Variants in SESN3 observed in about 807,000 individuals in gnomAD.
The protein encoded by SESN3 is sestrin 3.
A neutral mutation model predicts 55.3 loss-of-function variants in SESN3; 21 were observed. The observed-to-expected ratio is 0.38, with a 90% confidence interval of 0.27 to 0.55. SESN3 has a LOEUF of 0.55. SESN3 is among the 20% of genes least tolerant of loss of function. The probability of loss-of-function intolerance (pLI) is 0.76; values close to 1 mark genes in which losing one functional copy is unlikely to be tolerated. For synonymous variants in SESN3, 181 were observed against 203.1 expected (o/e 0.89, Z 0.93); for missense variants, 408 against 604.3 (o/e 0.68, Z 3.41).
intron 3 of SESN3, among the ~76,000 whole-genome samples, chr11:95,190,380 G>GT (rs1441716718): frequency 6.6e-6 from 1 of 151,854 alleles, no homozygotes; most frequent in African/African-American, 2.4e-5. Context: ...TAAGATAAAT[G>GT]TGACTGCAGT....
intron 1 of SESN3, among the ~76,000 whole-genome samples, chr11:95,208,876 A>G (rs1045376311): frequency 4.0e-5 from 6 of 151,494 alleles, no homozygotes; most frequent in Non-Finnish European, 5.9e-5. Flanking sequence ...TATGCAGAAA[A>G]CTGAAACTGG....
At chr11:95,202,249 A>G (rs1860473139) in intron 1 of SESN3, among the ~76,000 whole-genome samples, 1 of 152,024 alleles carries the variant, frequency 6.6e-6, no homozygotes, top group African/African-American at 2.4e-5. Context: ...AGATTCTCAT[A>G]TATTTTTTGA....
chr11:95,184,700 G>T, intron 5 of SESN3, 106 bp from the exon 6 acceptor site: 1 of 985,740 alleles, frequency 1.0e-6, no homozygotes, highest in Non-Finnish European at 1.5e-6. Flanking sequence ...AACAGGCACA[G>T]TTATGAAGTT....
At chr11:95,206,594 A>G (rs888864718) in intron 1 of SESN3, among the ~76,000 whole-genome samples, 3 of 151,988 alleles carry the variant, frequency 2.0e-5, no homozygotes, top group Non-Finnish European at 4.4e-5. Flanking sequence ...TTCTCTTGAT[A>G]TCTCCTCCCA....
intron 6 of SESN3, among the ~76,000 whole-genome samples, chr11:95,183,328 T>A (rs182440402): frequency 6.6e-6 from 1 of 152,214 alleles, no homozygotes; most frequent in Admixed American, 6.5e-5. Context: ...GTTACTCAAT[T>A]TGGTAGATAA....
chr11:95,191,384 A>G lies in SESN3; in HGVS notation c.342+20T>C. The G allele has an allele frequency of 6.4e-7, 1 of 1,574,276 alleles. No individual in the cohort carries two copies. The highest frequency in any genetic ancestry group is 8.7e-7 in the Non-Finnish European group (1 of 1,144,040). On this transcript the variant is annotated intron_variant, in intron 3 of 9. Coordinates refer to ENST00000536441, the MANE Select transcript of SESN3 (RefSeq NM_144665.4). ...TAAGTGAGGAAGGTGTTATGTGAAC[A>G]TAGGAAAATAAGCACCCACCATTAT...
Position 95,230,730 on chromosome 11 carries a change from C to T in SESN3, c.78+53G>A. 2 of 1,435,998 alleles carry T rather than the reference C, an allele frequency of 1.4e-6. No individual in the cohort carries two copies. Among genetic ancestry groups the T allele is most frequent in the East Asian group, 4.8e-5 (2 of 42,060 alleles). 89.0% of individuals were successfully genotyped at this position (1,435,998 alleles called of 1,614,324 possible). On this transcript the variant is annotated intron_variant, in intron 1 of 9. Transcript: ENST00000536441. This position sits in a 1 kb window ranked among gnomAD's most constrained non-coding sequence, Gnocchi z 4.6. ...GCGCCCGGGGACGAGCCGCCCGAGC[C>T]CCGGCCGGCAGGAAGCGACCCTCGC...
chr11:95,178,559 G>A (rs1860001165), intron 7 of SESN3, 151 bp downstream of exon 7: 1 of 590,422 alleles, frequency 1.7e-6, no homozygotes, highest in African/African-American at 1.9e-5. Context: ...CATCTATTGG[G>A]AACTCCAATT....
intron 3 of SESN3, 81 bp downstream of exon 3, chr11:95,191,323 A>T: frequency 9.2e-7 from 1 of 1,084,234 alleles, no homozygotes; most frequent in Non-Finnish European, 1.4e-6. Flanking sequence ...CTATACACAC[A>T]CAAGGACACA....
chr11:95,207,821 T>C (rs1019862723), intron 1 of SESN3, among the ~76,000 whole-genome samples: 2 of 150,902 alleles, frequency 1.3e-5, no homozygotes, highest in Admixed American at 6.6e-5. Context: ...CTATACTATA[T>C]GTTTTTTTTG....
rs1861034433 is a variant in SESN3 at position 95,230,463 on chromosome 11, C to T, written c.78+320G>A. On this transcript the variant is annotated intron_variant, in intron 1 of 9. Coordinates refer to ENST00000536441, the MANE Select transcript of SESN3 (RefSeq NM_144665.4). The surrounding 1 kb of genome is among the most constrained non-coding windows in gnomAD (Gnocchi z 4.6). ...GGAGGATCGAACGGATCCCTCCCGCCCTCCGCCCAAGGAGCCGACCCGGGG... is the reference window on the plus strand; with the variant it reads ...GGAGGATCGAACGGATCCCTCCCGCTCTCCGCCCAAGGAGCCGACCCGGGG... 3 of 325,928 alleles carry T rather than the reference C, an allele frequency of 9.2e-6. No individual in the cohort carries two copies. The East Asian group carries it at 2.9e-4, about 32-fold the overall frequency. The allele number at this position is 325,928 out of a possible 1,614,324, so 20.2% of individuals were successfully genotyped here.
intron 9 of SESN3, among the ~76,000 whole-genome samples, chr11:95,173,800 T>C (rs1859900938): frequency 6.6e-6 from 1 of 152,132 alleles, no homozygotes; most frequent in Non-Finnish European, 1.5e-5. Context: ...TTAAAGTTTC[T>C]GATTAGTGTT....
intron 7 of SESN3, 134 bp from the exon 8 acceptor site, chr11:95,178,043 G>A: frequency 1.6e-6 from 1 of 626,792 alleles, no homozygotes; most frequent in Non-Finnish European, 2.7e-6. Flanking sequence ...CTTTACTAAG[G>A]CTTTACCAAT....
chr11:95,222,076 G>A (rs968475003), intron 1 of SESN3, among the ~76,000 whole-genome samples: 1 of 152,158 alleles, frequency 6.6e-6, no homozygotes, highest in Non-Finnish European at 1.5e-5. Context: ...CTAGAATCTT[G>A]GAAGTTTGAA....
At position 95,191,618 on chromosome 11, in the gene SESN3, A is replaced by AG; in HGVS notation, c.145-18_145-17insC. 2 of 1,604,788 alleles carry AG rather than the reference A, an allele frequency of 1.2e-6. No homozygotes were observed. The highest frequency in any genetic ancestry group is 8.5e-7 in the Non-Finnish European group (1 of 1,172,606). On this transcript the variant is annotated splice_polypyrimidine_tract_variant and intron_variant, in intron 2 of 9. Transcript: ENST00000536441. ...TTGGACAACCTTATAACCAAAAAAA[A>AG]CAAAACAAAATGACTATTGAGACAT...
At chr11:95,224,731 T>C (rs1008121287) in intron 1 of SESN3, among the ~76,000 whole-genome samples, 23 of 152,218 alleles carry the variant, frequency 1.5e-4, no homozygotes, top group African/African-American at 5.5e-4. Flanking sequence ...AAAGCTTGAA[T>C]TTTATCACTG....
At chr11:95,199,588 TG>T (rs1369035083) in intron 1 of SESN3, among the ~76,000 whole-genome samples, 1 of 152,082 alleles carries the variant, frequency 6.6e-6, no homozygotes, top group Non-Finnish European at 1.5e-5. Context: ...CTCTTAAAAT[TG>T]TGAGTCTTTA....
chr11:95,183,137 A>C (rs1004240874), intron 6 of SESN3, among the ~76,000 whole-genome samples: 1 of 152,112 alleles, frequency 6.6e-6, no homozygotes, highest in Non-Finnish European at 1.5e-5. Context: ...TAACCTTAAA[A>C]CCTTAGTACC....
intron 1 of SESN3, among the ~76,000 whole-genome samples, chr11:95,226,262 A>G (rs551083735): frequency 1.2e-4 from 18 of 152,302 alleles, no homozygotes; most frequent in African/African-American, 3.8e-4. Context: ...ACACACATCT[A>G]TCTCTCTCCA....
Sources: allele counts gnomAD v4.1 joint callset (sites outside exome capture counted in the v4.1 genomes callset), GRCh38; gene constraint gnomAD v4.1.1; non-coding constraint Gnocchi (gnomAD v3.1); transcripts MANE v1.5; gene names NCBI Gene and HGNC (gene_info 2026-07-23, HGNC 2026-07-21).